ATP2C2: variants seen among roughly 807,000 people sequenced by gnomAD.
ATP2C2 encodes ATPase secretory pathway Ca2+ transporting 2, also known as calcium-transporting ATPase type 2C member 2.
Under a neutral mutation model 110.8 loss-of-function variants are expected in ATP2C2, and 171 were observed. That is an observed-to-expected ratio of 1.54 (90% CI 1.36 to 1.75). The LOEUF (loss-of-function observed/expected upper bound fraction) is 1.75, where lower values mean the gene tolerates loss of function less well. Among genes scored for constraint, ATP2C2 ranks in the 40% most tolerant of loss-of-function variants. The pLI is 0.00. For missense variants in ATP2C2, 1,963 were observed against 1,235.0 expected (o/e 1.59, Z -8.84); for synonymous variants, 804 against 508.4 (o/e 1.58, Z -7.82).
At chr16:84,379,316 A>G (rs1910437520) in intron 1 of ATP2C2, among the ~76,000 whole-genome samples, 1 of 152,124 alleles carries the variant, frequency 6.6e-6, no homozygotes, top group Non-Finnish European at 1.5e-5. Context: ...AGCTGGGAAT[A>G]CAAGCACACA....
At chr16:84,387,623 A>G (rs1350025707) in intron 1 of ATP2C2, among the ~76,000 whole-genome samples, 1 of 152,236 alleles carries the variant, frequency 6.6e-6, no homozygotes, top group Non-Finnish European at 1.5e-5. Flanking sequence ...TAGAGCAACA[A>G]AAGAGAATGA....
intron 13 of ATP2C2, among the ~76,000 whole-genome samples, chr16:84,440,340 A>G (rs956695193): frequency 6.6e-6 from 1 of 152,158 alleles, no homozygotes; most frequent in African/African-American, 2.4e-5. Context: ...TTATCCTGAT[A>G]TTTTTTCTAC....
chr16:84,462,098 G>T lies in ATP2C2; in HGVS notation c.2691G>T (p.Arg897Ser). The change falls in exon 26 of 27, where the codon AGG becomes AGT. Residue 897 changes from arginine (R) to serine (S), a missense_variant. Coordinates refer to ENST00000262429, the MANE Select transcript of ATP2C2 (RefSeq NM_014861.4). ...LAVIYIPPLQ[R>S]VFQTENLGAL... ...TCATTTACATCCCCCCGCTGCAGAG[G>T]GTCTTCCAGACGGAGAACCTGGGAG... The T allele has an allele frequency of 1.2e-6, 2 of 1,613,928 alleles. No individual in the cohort carries two copies. Among genetic ancestry groups the T allele is most frequent in the Non-Finnish European group, 1.7e-6 (2 of 1,179,912 alleles).
chr16:84,454,040 C>T (rs987296882), intron 20 of ATP2C2, among the ~76,000 whole-genome samples: 5 of 152,150 alleles, frequency 3.3e-5, no homozygotes, highest in African/African-American at 1.2e-4. Flanking sequence ...AGGGTTTCGC[C>T]ATGTTGGCCA....
intron 1 of ATP2C2, among the ~76,000 whole-genome samples, chr16:84,393,236 GA>G (rs1332489618): frequency 6.6e-6 from 1 of 152,222 alleles, no homozygotes; most frequent in Non-Finnish European, 1.5e-5. Flanking sequence ...GGAGCTGTGT[GA>G]TTGGAATCAA....
chr16:84,441,015 T>C (rs1909206539), intron 14 of ATP2C2, 57 bp downstream of exon 14: 9 of 1,390,712 alleles, frequency 6.5e-6, no homozygotes, highest in South Asian at 3.6e-5. Flanking sequence ...CTTCTGGGGC[T>C]CCTCTCTGAA....
intron 11 of ATP2C2, among the ~76,000 whole-genome samples, chr16:84,437,114 C>A (rs1022622072): frequency 5.3e-5 from 8 of 152,122 alleles, no homozygotes; most frequent in African/African-American, 1.9e-4. Context: ...TATAATTCAT[C>A]CATTTAAAGC....
intron 11 of ATP2C2, among the ~76,000 whole-genome samples, chr16:84,432,739 T>C (rs1278883584): frequency 6.6e-6 from 1 of 152,122 alleles, no homozygotes; most frequent in Non-Finnish European, 1.5e-5. Flanking sequence ...CAGGCTCATC[T>C]CGAACTCCTG....
chr16:84,453,197 A>G lies in ATP2C2; in HGVS notation c.1891A>G (p.Ser631Gly), dbSNP rs2150584828. The change falls in exon 19 of 27, where the codon AGC becomes GGC. Residue 631 changes from serine (S) to glycine (G), a missense_variant. By Grantham distance (56) the Ser-to-Gly change is moderately conservative. Transcript: ENST00000262429. ...LQAMSGEEVD[S>G]VEKGELADRV... Reference sequence around the variant, plus strand: ...AGCCATGTCCGGGGAGGAGGTGGACAGCGTGGAGAAGGGCGAGCTGGCCGA... The same window carrying G: ...AGCCATGTCCGGGGAGGAGGTGGACGGCGTGGAGAAGGGCGAGCTGGCCGA... 1.9e-6 allele frequency: 3 copies of G among 1,613,964 alleles called. No individual in the cohort carries two copies. Among genetic ancestry groups the G allele is most frequent in the East Asian group, 2.2e-5 (1 of 44,878 alleles).
At position 84,459,122 on chromosome 16, in the gene ATP2C2, A is replaced by T; in HGVS notation, c.2150A>T (p.Asn717Ile). 2 of 1,614,100 alleles carry T rather than the reference A, an allele frequency of 1.2e-6. No homozygotes were observed. Among genetic ancestry groups the T allele is most frequent in the Non-Finnish European group, 1.7e-6 (2 of 1,180,022 alleles). ...LVDDDFSAIMNAVEEGKGIFY... is the reference protein window; with the variant it reads ...LVDDDFSAIMIAVEEGKGIFY... ...TAAATGGCTCTCTTCTCTTGCAGGA[A>T]TGCAGTGGAGGAAGGCAAGGGTATT... Residue 717 changes from asparagine (N) to isoleucine (I), a missense_variant and splice_region_variant, in exon 22 of 27, where the codon AAT becomes ATT. Asn to Ile is a moderately radical substitution (Grantham distance 149). Coordinates refer to ENST00000262429, the MANE Select transcript of ATP2C2 (RefSeq NM_014861.4).
intron 1 of ATP2C2, among the ~76,000 whole-genome samples, chr16:84,394,406 G>T (rs1464123005): frequency 6.6e-6 from 1 of 151,984 alleles, no homozygotes; most frequent in Non-Finnish European, 1.5e-5. Flanking sequence ...CTACGAATTT[G>T]CCTGTCCCGG....
At chr16:84,391,389 G>A (rs1348125762) in intron 1 of ATP2C2, among the ~76,000 whole-genome samples, 2 of 152,190 alleles carry the variant, frequency 1.3e-5, no homozygotes, top group South Asian at 2.1e-4. Flanking sequence ...TGGTCAAGGC[G>A]TGTCCTCCCA....
intron 15 of ATP2C2, among the ~76,000 whole-genome samples, chr16:84,444,174 AAAAAAAAAAAC>A (rs1472272713): frequency 1.9e-4 from 28 of 150,840 alleles, no homozygotes; most frequent in African/African-American, 5.6e-4. Flanking sequence ...AAAAAAAAAA[AAAAAAAAAAAC>A]AAAAAGATTG....
intron 25 of ATP2C2, 80 bp downstream of exon 25, chr16:84,461,892 T>C (rs1221761477): frequency 1.9e-6 from 3 of 1,607,752 alleles, no homozygotes; most frequent in African/African-American, 2.7e-5. Context: ...CCCGCAGCAT[T>C]GAGCGGCTCT....
chr16:84,463,829 C>T lies in ATP2C2; in HGVS notation c.*97C>T, dbSNP rs113648589. 161 of 1,079,044 alleles carry T rather than the reference C, an allele frequency of 1.5e-4. No homozygotes were observed. The highest frequency in any genetic ancestry group is 1.5e-3 in the African/African-American group (94 of 63,452). The allele number at this position is 1,079,044 out of a possible 1,614,324, so 66.8% of individuals were successfully genotyped here. On this transcript the variant is annotated 3_prime_UTR_variant, in exon 27 of 27. Transcript: ENST00000262429. ...TCGTCAGGGGAGACTTTTAGGAGGC[C>T]GCAGCCTTCCATCACCGGATCAGTT...
intron 2 of ATP2C2, among the ~76,000 whole-genome samples, chr16:84,399,608 AG>A (rs1488304016): frequency 2.0e-5 from 3 of 152,190 alleles, no homozygotes; most frequent in African/African-American, 7.2e-5. Flanking sequence ...TAATTGTTTT[AG>A]CTACTGTTTC....
chr16:84,419,638 C>T (rs1885633482), intron 7 of ATP2C2, among the ~76,000 whole-genome samples: 1 of 42,374 alleles, frequency 2.4e-5, no homozygotes, highest in South Asian at 6.7e-4. Context: ...TCTCCTCCCT[C>T]CTCCCTTCCC....
chr16:84,418,956 C>T (rs1289683474), intron 7 of ATP2C2, among the ~76,000 whole-genome samples: 9 of 152,078 alleles, frequency 5.9e-5, no homozygotes, highest in Admixed American at 3.3e-4. Flanking sequence ...CTCCTGTAAT[C>T]CCAGCACTTT....
chr16:84,434,095 T>C (rs1206879805), intron 11 of ATP2C2, among the ~76,000 whole-genome samples: 2 of 152,126 alleles, frequency 1.3e-5, no homozygotes, highest in African/African-American at 2.4e-5. Context: ...GAGAGAATCA[T>C]TTTTTTAAAA....
Sources: allele counts gnomAD v4.1 joint callset (sites outside exome capture counted in the v4.1 genomes callset), GRCh38; gene constraint gnomAD v4.1.1; transcripts MANE v1.5; gene names NCBI Gene and HGNC (gene_info 2026-07-23, HGNC 2026-07-21).